HK2: variants seen among roughly 807,000 people sequenced by gnomAD.
The protein encoded by HK2 is hexokinase-2.
HK2 carries 42 observed loss-of-function variants against 92.9 expected under a neutral mutation model. The observed-to-expected ratio is 0.45, with a 90% CI of 0.35 to 0.58. HK2 has a LOEUF of 0.58. Ranked by LOEUF, HK2 falls within the 20% of genes least tolerant of loss-of-function variation. The pLI is 0.00. For missense variants in HK2, 978 were observed against 1,245.1 expected, an observed-to-expected ratio of 0.79 and a Z score of 3.23; for synonymous variants, 422 against 468.0, an observed-to-expected ratio of 0.90 and a Z score of 1.27.
intron 12 of HK2, among the ~76,000 whole-genome samples, chr2:74,883,479 G>A (rs1689449300): frequency 6.6e-6 from 1 of 152,196 alleles, no homozygotes; most frequent in African/African-American, 2.4e-5. Flanking sequence ...GGGAGCAAGT[G>A]ACAGAAAGAG....
At chr2:74,840,683 C>T (rs546480473) in intron 1 of HK2, among the ~76,000 whole-genome samples, 249 of 142,360 alleles carry the variant, frequency 1.7e-3, no homozygotes, top group Admixed American at 5.0e-3. Flanking sequence ...CTGGCTAACA[C>T]GGTGAAACCC....
intron 1 of HK2, among the ~76,000 whole-genome samples, chr2:74,850,101 G>A (rs997154773): frequency 1.3e-5 from 2 of 152,218 alleles, no homozygotes; most frequent in Non-Finnish European, 2.9e-5. Flanking sequence ...AAAGTGATAT[G>A]CAGTGTTGAT....
At chr2:74,886,150 T>A (rs1689529789) in intron 13 of HK2, 144 bp from the exon 14 acceptor site, 1 of 750,042 alleles carries the variant, frequency 1.3e-6, no homozygotes, top group African/African-American at 1.7e-5. Flanking sequence ...GAGGTGACAT[T>A]TAAGCACAGA....
At position 74,889,235 on chromosome 2, in the gene HK2, C is replaced by A; in HGVS notation, c.2376-10C>A. ...ATGACTGAACACTTGCTGTCTCCCTCCCACCCCAGTGACTGCCTGGCCCTG... is the reference window on the plus strand; with the variant it reads ...ATGACTGAACACTTGCTGTCTCCCTACCACCCCAGTGACTGCCTGGCCCTG... On this transcript the variant is annotated splice_polypyrimidine_tract_variant and intron_variant, in intron 16 of 17. Coordinates refer to ENST00000290573, the MANE Select transcript of HK2 (RefSeq NM_000189.5). The A allele has an allele frequency of 6.2e-7, 1 of 1,608,578 alleles. No homozygotes were observed.
Position 74,855,461 on chromosome 2 carries a change from C to T in HK2, c.226+1006C>T, listed in dbSNP as rs1452904302. 2.6e-5 allele frequency among the ~76,000 whole-genome samples: 4 copies of T among 152,292 alleles called. No individual in the cohort carries two copies. In the East Asian group the frequency reaches 5.8e-4, roughly 22 times the overall value. On this transcript the variant is annotated intron_variant, in intron 2 of 17. Transcript: ENST00000290573. The stretch of plus-strand genomic sequence containing the variant: ...CTCCATTAGCCAGAATGGTCTATAT[C>T]TTTTGACCTCGTACCCGCCCACCTC...
intron 2 of HK2, among the ~76,000 whole-genome samples, chr2:74,857,749 C>G (rs558527799): frequency 6.6e-6 from 1 of 152,186 alleles, no homozygotes. Context: ...TGGAATATGG[C>G]AGTGAAAATA....
chr2:74,850,105 T>C (rs3821308), intron 1 of HK2, among the ~76,000 whole-genome samples: 33,260 of 152,208 alleles, frequency 0.22, 4,395 homozygotes, highest in Middle Eastern at 0.37. Context: ...TGATATGCAG[T>C]GTTGATCAGA....
At chr2:74,890,309 CTG>C (rs1488461408) in intron 17 of HK2, among the ~76,000 whole-genome samples, 3 of 152,226 alleles carry the variant, frequency 2.0e-5, no homozygotes, top group East Asian at 3.8e-4. Context: ...AGCAGTGACT[CTG>C]TAAGTCTGCT....
At chr2:74,853,566 A>AACAAC (rs1688621669) in intron 1 of HK2, among the ~76,000 whole-genome samples, 2 of 139,056 alleles carry the variant, frequency 1.4e-5, no homozygotes, top group South Asian at 2.4e-4. Context: ...ACAACAACAA[A>AACAAC]ATTAGCCAGA....
At position 74,867,683 on chromosome 2, in the gene HK2, G is replaced by A. The variant is rs770135944; in HGVS notation, c.274G>A (p.Val92Met). The A allele has an allele frequency of 6.2e-7, 1 of 1,614,084 alleles. No homozygotes were observed. The highest frequency in any genetic ancestry group is 1.1e-5 in the South Asian group (1 of 91,076). Reference sequence around the variant, plus strand: ...GGATCTTGGAGGGACCAACTTCCGTGTGCTTTGGGTGAAAGTAACGGACAA... The same window carrying A: ...GGATCTTGGAGGGACCAACTTCCGTATGCTTTGGGTGAAAGTAACGGACAA... ...ALDLGGTNFR[V>M]LWVKVTDNGL... Residue 92 changes from valine (V) to methionine (M), a missense_variant, in exon 3 of 18, where the codon GTG (valine) becomes ATG (methionine). Val to Met is a conservative substitution (Grantham distance 21). Transcript: ENST00000290573.
At position 74,888,070 on chromosome 2, in the gene HK2, G is replaced by A; in HGVS notation, c.2375+12G>A. ...TCTCAGATTGAGAGGTGAGAGCTTA[G>A]GGCTCAGGGTAGCAGGGGGGCCATG... On this transcript the variant is annotated intron_variant, in intron 16 of 17. Coordinates refer to ENST00000290573, the MANE Select transcript of HK2 (RefSeq NM_000189.5). 6.2e-7 allele frequency: 1 copy of A among 1,614,062 alleles called. No homozygotes were observed.
At chr2:74,840,419 G>A (rs141918335) in intron 1 of HK2, among the ~76,000 whole-genome samples, 10 of 152,136 alleles carry the variant, frequency 6.6e-5, no homozygotes, top group South Asian at 6.2e-4. Flanking sequence ...AAAGAACTTG[G>A]AGCCCCAGAA....
At position 74,876,704 on chromosome 2, in the gene HK2, C is replaced by T. The variant is rs538819227; in HGVS notation, c.876-462C>T. Among the ~76,000 whole-genome samples, 235 of 152,288 alleles carry T rather than the reference C, an allele frequency of 1.5e-3. 1 individual carries two copies. Among genetic ancestry groups the T allele is most frequent in the African/African-American group, 5.3e-3 (219 of 41,540 alleles). On this transcript the variant is annotated intron_variant, in intron 7 of 17. Transcript: ENST00000290573. ...CACCATTTTCTCTGGAGCCCATGAA[C>T]GGCTTGCAGGGGTGGACAGTATGAG...
Position 74,891,102 on chromosome 2 carries a change from G to C in HK2, c.*161G>C. The C allele has an allele frequency of 1.3e-6, 1 of 779,196 alleles. No homozygotes were observed. Among genetic ancestry groups the C allele is most frequent in the Non-Finnish European group, 2.1e-6 (1 of 478,188 alleles). The allele number at this position is 779,196 out of a possible 1,614,324, so 48.3% of individuals were successfully genotyped here. A position where few individuals can be genotyped will look rare whatever the true frequency, so the allele number is the denominator to read the frequency against. ...GTCTCTGCATCTCATTGTAGAGCTT[G>C]GTGGCTGAGCTTGGCCCTATTAAGA... On this transcript the variant is annotated 3_prime_UTR_variant, in exon 18 of 18. Coordinates refer to ENST00000290573, the MANE Select transcript of HK2 (RefSeq NM_000189.5).
chr2:74,839,439 G>A (rs1030590623), intron 1 of HK2, among the ~76,000 whole-genome samples: 1 of 152,132 alleles, frequency 6.6e-6, no homozygotes, highest in Non-Finnish European at 1.5e-5. Context: ...GACATTGACA[G>A]GTACAATTCA....
chr2:74,882,540 A>G (rs969560408), intron 12 of HK2, among the ~76,000 whole-genome samples: 18 of 144,900 alleles, frequency 1.2e-4, no homozygotes, highest in Non-Finnish European at 4.5e-5. Flanking sequence ...AGGCAGGAGG[A>G]TTACTTGAGG....
At chr2:74,852,680 TA>T (rs1254571123) in intron 1 of HK2, among the ~76,000 whole-genome samples, 1 of 150,738 alleles carries the variant, frequency 6.6e-6, no homozygotes, top group Non-Finnish European at 1.5e-5. Flanking sequence ...AAATAACAAT[TA>T]AAAGATTAAA....
chr2:74,870,274 T>G (rs991013903), intron 3 of HK2, among the ~76,000 whole-genome samples: 1 of 152,166 alleles, frequency 6.6e-6, no homozygotes, highest in Non-Finnish European at 1.5e-5. Context: ...CCTCCCGAAG[T>G]GCTGGGATTA....
chr2:74,881,505 A>G (rs1689390522), intron 10 of HK2, among the ~76,000 whole-genome samples: 1 of 152,222 alleles, frequency 6.6e-6, no homozygotes, highest in Non-Finnish European at 1.5e-5. Flanking sequence ...TAATTGTCCA[A>G]CAAGGGAGGG....
Sources: allele counts gnomAD v4.1 joint callset (sites outside exome capture counted in the v4.1 genomes callset), GRCh38; gene constraint gnomAD v4.1.1; transcripts MANE v1.5; gene names NCBI Gene and HGNC (gene_info 2026-07-23, HGNC 2026-07-21).